The following CDC42SE1 variants were observed in gnomAD, a reference collection of about 807,000 sequenced individuals.
CDC42SE1 encodes the protein CDC42 small effector 1.
A neutral mutation model predicts 10.9 loss-of-function variants in CDC42SE1; 10 were observed. That is an observed-to-expected ratio of 0.92 (90% CI 0.57 to 1.56). CDC42SE1 has a LOEUF of 1.56. Ranked by LOEUF, CDC42SE1 falls within the 40% of genes most tolerant of loss-of-function variation. The probability of loss-of-function intolerance (pLI) is 0.00; values close to 1 mark genes in which losing one functional copy is unlikely to be tolerated. For missense variants in CDC42SE1, 81 were observed against 100.8 expected (o/e 0.80, Z 0.84); for synonymous variants, 24 against 32.0 (o/e 0.75, Z 0.85).
intron 1 of CDC42SE1, chr1:151,059,102 G>C (rs1676347359): frequency 6.6e-6 from 1 of 152,228 alleles, no homozygotes; most frequent in Non-Finnish European, 1.5e-5. Flanking sequence ...TAGGCCCTAA[G>C]CCTCCCCTCC....
In CDC42SE1 at chr1:151,053,603, G is replaced by A. The variant is rs141194160; in HGVS notation, c.*17-276C>T. 3.6e-4 allele frequency among the ~76,000 whole-genome samples: 55 copies of A among 150,950 alleles called. 1 individual carries two copies. Among genetic ancestry groups the A allele is most frequent in the African/African-American group, 1.3e-3 (53 of 41,086 alleles). On this transcript the variant is annotated intron_variant, in intron 4 of 4. Transcript: ENST00000357235. ...TTCAAGTGATTCTTCGGCCTCAGCC[G>A]CCTGAGTAACTGGGATTACAGGCGT...
Position 151,054,282 on chromosome 1 carries a change from G to C in CDC42SE1, c.205C>G (p.Arg69Gly). The C allele has an allele frequency of 6.2e-7, 1 of 1,613,786 alleles. No homozygotes were observed. Among genetic ancestry groups the C allele is most frequent in the Non-Finnish European group, 8.5e-7 (1 of 1,179,842 alleles). Residue 69 changes from arginine (R) to glycine (G), a missense_variant, in exon 4 of 5, where the codon CGA becomes GGA. Transcript: ENST00000357235. ...VQEQMRSKGNRDRPWSNSRGL is the reference protein window; with the variant it reads ...VQEQMRSKGNGDRPWSNSRGL Reference sequence around the variant, plus strand: ...CTAGAATTGCTCCATGGCCTATCTCGGTTTCCCTTGGATCTCATCTGCTCC... The same window carrying C: ...CTAGAATTGCTCCATGGCCTATCTCCGTTTCCCTTGGATCTCATCTGCTCC...
chr1:151,055,398 G>T lies in CDC42SE1; in HGVS notation c.55-272C>A, dbSNP rs896833154. 33 of 596,942 alleles carry T rather than the reference G, an allele frequency of 5.5e-5. No individual in the cohort carries two copies. In the African/African-American group the frequency reaches 6.0e-4, roughly 11 times the overall value. The allele number at this position is 596,942 out of a possible 1,614,324, so 37.0% of individuals were successfully genotyped here. Reference sequence around the variant, plus strand: ...GTCAAAGTCACCTCTGACTGATGATGAAATAATGGGGAAAACTGACAGGTA... The same window carrying T: ...GTCAAAGTCACCTCTGACTGATGATTAAATAATGGGGAAAACTGACAGGTA... On this transcript the variant is annotated intron_variant, in intron 2 of 4. Transcript: ENST00000357235.
In CDC42SE1 at chr1:151,057,936, G is replaced by A. The variant is rs1161497488; in HGVS notation, c.-264+1543C>T. 1 of 152,446 alleles carries A rather than the reference G, an allele frequency of 6.6e-6. No homozygotes were observed. The highest frequency in any genetic ancestry group is 1.5e-5 in the Non-Finnish European group (1 of 68,126). The allele number at this position is 152,446 out of a possible 1,614,324, so 9.4% of individuals were successfully genotyped here. On this transcript the variant is annotated intron_variant, in intron 1 of 4. Transcript: ENST00000357235. The surrounding 1 kb of genome is among the most constrained non-coding windows in gnomAD (Gnocchi z 4.0). ...GCTGTGGTCAGTGGGACGTCAGTGA[G>A]TCAGTCATAGGGTTTGTCCTGATGG...
chr1:151,055,151 T>C, intron 2 of CDC42SE1, 25 bp from the exon 3 acceptor site: 2 of 1,546,852 alleles, frequency 1.3e-6, no homozygotes, highest in African/African-American at 1.4e-5. Context: ...TAAGGAGTCA[T>C]GTCTTAAGGC....
chr1:151,059,174 G>C (rs1316363443), intron 1 of CDC42SE1: 2 of 152,354 alleles, frequency 1.3e-5, no homozygotes, highest in Admixed American at 6.5e-5. Context: ...ACTCTACCTA[G>C]AAGTTCTCTG....
In CDC42SE1 at chr1:151,052,423, C is replaced by G. The variant is rs759257683; in HGVS notation, c.*921G>C. ...ACCATCCTCAATGATCAGAAGTCCACCTTGAGATGGACTTACTCCTAGTTC... is the reference window on the plus strand; with the variant it reads ...ACCATCCTCAATGATCAGAAGTCCAGCTTGAGATGGACTTACTCCTAGTTC... On this transcript the variant is annotated 3_prime_UTR_variant, in exon 5 of 5. Transcript: ENST00000357235. The G allele has an allele frequency of 2.0e-5, 3 of 152,578 alleles. No homozygotes were observed. Among genetic ancestry groups the G allele is most frequent in the Non-Finnish European group, 4.4e-5 (3 of 68,030 alleles). The allele number at this position is 152,578 out of a possible 1,614,324, so 9.5% of individuals were successfully genotyped here.
chr1:151,058,146 A>C (rs1398241867), intron 1 of CDC42SE1: 4 of 152,768 alleles, frequency 2.6e-5, no homozygotes, highest in Non-Finnish European at 5.8e-5. Flanking sequence ...GGAGAGAGGG[A>C]AAGGGGCAGT....
At chr1:151,054,551 C>T (rs1571851648) in intron 3 of CDC42SE1, among the ~76,000 whole-genome samples, 1 of 152,228 alleles carries the variant, frequency 6.6e-6, no homozygotes, top group Non-Finnish European at 1.5e-5. Flanking sequence ...ATGGATTCTC[C>T]CCTATATATC....
Position 151,054,283 on chromosome 1 carries a change from G to A in CDC42SE1, c.204C>T (p.Asn68=), listed in dbSNP as rs1055657889. The change falls in exon 4 of 5, where the codon AAC becomes AAT. Residue 68 remains asparagine, a synonymous_variant. Transcript: ENST00000357235. ...AVQEQMRSKG[N]RDRPWSNSRG... ...TAGAATTGCTCCATGGCCTATCTCG[G>A]TTTCCCTTGGATCTCATCTGCTCCT... 6.2e-7 allele frequency: 1 copy of A among 1,613,702 alleles called. No homozygotes were observed. Among genetic ancestry groups the A allele is most frequent in the Non-Finnish European group, 8.5e-7 (1 of 1,179,872 alleles).
rs1280476057 is a variant in CDC42SE1, at chr1:151,052,207, CA to C, written c.*1136del. ...TTTGGTTGTCATAACTAGAGTGGGC[CA>C]GGGTTGCTGCTAAATATCCTGTAAT... On this transcript the variant is annotated 3_prime_UTR_variant, in exon 5 of 5. Transcript: ENST00000357235. 3.3e-5 allele frequency: 5 copies of C among 152,230 alleles called. No homozygotes were observed. The highest frequency in any genetic ancestry group is 1.9e-4 in the East Asian group (1 of 5,178). The allele number at this position is 152,230 out of a possible 1,614,324, so 9.4% of individuals were successfully genotyped here.
chr1:151,059,523 G>C lies in CDC42SE1; in HGVS notation c.-308C>G, dbSNP rs906148371. On this transcript the variant is annotated 5_prime_UTR_variant, in exon 1 of 5. Coordinates refer to ENST00000357235, the MANE Select transcript of CDC42SE1 (RefSeq NM_020239.4). ...AGACGTTCAGCTACAGCTGGTGGGGGTGAGGGACTCTGCTCCGTGGCCGCC... is the reference window on the plus strand; with the variant it reads ...AGACGTTCAGCTACAGCTGGTGGGGCTGAGGGACTCTGCTCCGTGGCCGCC... 1 of 152,486 alleles carries C rather than the reference G, an allele frequency of 6.6e-6. No individual in the cohort carries two copies. Among genetic ancestry groups the C allele is most frequent in the African/African-American group, 2.4e-5 (1 of 41,472 alleles). 9.4% of individuals were successfully genotyped at this position (152,486 alleles called of 1,614,324 possible).
chr1:151,058,443 GA>G (rs1409199867), intron 1 of CDC42SE1: 2 of 152,338 alleles, frequency 1.3e-5, no homozygotes, highest in Non-Finnish European at 2.9e-5. Context: ...AAAGCAGCCA[GA>G]AGAGAGTGGG....
chr1:151,051,393 GAAAAAAAAAAAA>G lies in CDC42SE1; in HGVS notation c.*1939_*1950del, dbSNP rs71702880. ...AATGGCAGAAAATACATGGAAATTT[GAAAAAAAAAAAA>G]AAAAAAAAAAAAAAAGAACCTCAGT... On this transcript the variant is annotated 3_prime_UTR_variant, in exon 5 of 5. Transcript: ENST00000357235. The G allele has an allele frequency of 4.1e-4, 14 of 34,098 alleles. 1 individual carries two copies. In the South Asian group the frequency reaches 0.012, roughly 28 times the overall value. 2.1% of individuals were successfully genotyped at this position (34,098 alleles called of 1,614,324 possible). A position where few individuals can be genotyped will look rare whatever the true frequency, so the allele number is the denominator to read the frequency against.
chr1:151,055,700 A>G lies in CDC42SE1; in HGVS notation c.31T>C (p.Cys11Arg). ...ACCGGCTGGGGTTTCTCTACCACAC[A>G]GCAGCCCAGTTTGTGCCAAAATTCA... MSEFWHKLGC[C>R]VVEKPQPKKK... Residue 11 changes from cysteine (C) to arginine (R), a missense_variant, in exon 2 of 5, where the codon TGT (cysteine) becomes CGT (arginine). Physicochemically the swap from Cys to Arg is radical, Grantham distance 180. Coordinates refer to ENST00000357235, the MANE Select transcript of CDC42SE1 (RefSeq NM_020239.4). 1.2e-6 allele frequency: 2 copies of G among 1,613,646 alleles called. No homozygotes were observed. Among genetic ancestry groups the G allele is most frequent in the Non-Finnish European group, 1.7e-6 (2 of 1,179,740 alleles).
At position 151,054,332 on chromosome 1, in the gene CDC42SE1, A is replaced by C. The variant is rs587770020; in HGVS notation, c.166-11T>G. 8.1e-6 allele frequency: 13 copies of C among 1,608,104 alleles called. No homozygotes were observed. The South Asian group carries it at 1.1e-4, about 14-fold the overall frequency. On this transcript the variant is annotated splice_polypyrimidine_tract_variant and intron_variant, in intron 3 of 4. Coordinates refer to ENST00000357235, the MANE Select transcript of CDC42SE1 (RefSeq NM_020239.4). ...CTGAACTGCACCTGTCTGTAAAAAAACAGATGCGAGACACCTTCGTAAGTC... is the reference window on the plus strand; with the variant it reads ...CTGAACTGCACCTGTCTGTAAAAAACCAGATGCGAGACACCTTCGTAAGTC...
At position 151,052,789 on chromosome 1, in the gene CDC42SE1, C is replaced by T. The variant is rs1676206284; in HGVS notation, c.*555G>A. The T allele has an allele frequency of 1.3e-5, 2 of 152,180 alleles. No homozygotes were observed. The highest frequency in any genetic ancestry group is 3.9e-4 in the East Asian group (2 of 5,194). 9.4% of individuals were successfully genotyped at this position (152,180 alleles called of 1,614,324 possible). A position where few individuals can be genotyped will look rare whatever the true frequency, so the allele number is the denominator to read the frequency against. ...GTGTTAGCAGAGAGATATTGAGGGGCTGTAAGCCTAAGGTTTGAAATCTAA... is the reference window on the plus strand; with the variant it reads ...GTGTTAGCAGAGAGATATTGAGGGGTTGTAAGCCTAAGGTTTGAAATCTAA... On this transcript the variant is annotated 3_prime_UTR_variant, in exon 5 of 5. Transcript: ENST00000357235.
chr1:151,057,779 CACAA>C lies in CDC42SE1; in HGVS notation c.-264+1696_-264+1699del, dbSNP rs1206703347. 1 of 151,118 alleles carries C rather than the reference CACAA, an allele frequency of 6.6e-6. No individual in the cohort carries two copies. Among genetic ancestry groups the C allele is most frequent in the East Asian group, 1.9e-4 (1 of 5,138 alleles). 9.4% of individuals were successfully genotyped at this position (151,118 alleles called of 1,614,324 possible). On this transcript the variant is annotated intron_variant, in intron 1 of 4. Coordinates refer to ENST00000357235, the MANE Select transcript of CDC42SE1 (RefSeq NM_020239.4). This position sits in a 1 kb window ranked among gnomAD's most constrained non-coding sequence, Gnocchi z 4.0. ...TTTTAACAGCCTTGAGATGAGATCA[CACAA>C]ACACTCAAATGTAGCTTCTAGGGGA...
Position 151,055,111 on chromosome 1 carries a change from GTCTTC to G in CDC42SE1, c.65_69del (p.Arg22ThrfsTer3), listed in dbSNP as rs1416348754. ...TCCCCAATCATGGTCCGGTCAATCC[GTCTTC>G]TCTTCTTCTTCTGCTTGGAGAAGAT... On this transcript the variant is annotated frameshift_variant, in exon 3 of 5. Transcript: ENST00000357235. LOFTEE classifies it high-confidence loss of function. 1.9e-6 allele frequency: 3 copies of G among 1,612,674 alleles called. No homozygotes were observed. The highest frequency in any genetic ancestry group is 2.7e-5 in the African/African-American group (2 of 74,568).
Sources: allele counts gnomAD v4.1 joint callset (sites outside exome capture counted in the v4.1 genomes callset), GRCh38; gene constraint gnomAD v4.1.1; non-coding constraint Gnocchi (gnomAD v3.1); transcripts MANE v1.5; gene names NCBI Gene and HGNC (gene_info 2026-07-23, HGNC 2026-07-21).